The following DCAF10 variants were observed in gnomAD, a reference collection of about 807,000 sequenced individuals.
DCAF10 encodes DDB1- and CUL4-associated factor 10.
A neutral mutation model predicts 51.9 loss-of-function variants in DCAF10; 19 were observed. That is an observed-to-expected ratio of 0.37 (90% CI 0.26 to 0.54). The LOEUF (loss-of-function observed/expected upper bound fraction) is 0.54, where lower values mean the gene tolerates loss of function less well. Among genes scored for constraint, DCAF10 ranks in the 20% least tolerant of loss-of-function variants. The pLI, the probability that DCAF10 is intolerant of heterozygous loss-of-function variation, is 0.87. For synonymous variants in DCAF10, 291 were observed against 297.1 expected, an observed-to-expected ratio of 0.98 and a Z score of 0.21; for missense variants, 510 against 730.6, an observed-to-expected ratio of 0.70 and a Z score of 3.48.
intron 1 of DCAF10, among the ~76,000 whole-genome samples, chr9:37,814,778 C>T (rs1457092775): frequency 6.6e-6 from 1 of 152,094 alleles, no homozygotes; most frequent in African/African-American, 2.4e-5. Flanking sequence ...ACTAGCACTA[C>T]CAAATTTACA....
intron 3 of DCAF10, among the ~76,000 whole-genome samples, chr9:37,842,994 C>A (rs77906049): frequency 0.02 from 2,992 of 152,280 alleles, 100 homozygotes; most frequent in African/African-American, 0.068. Context: ...AGTAAACACA[C>A]CATGATCATT....
intron 1 of DCAF10, among the ~76,000 whole-genome samples, chr9:37,808,595 A>C (rs1829206046): frequency 9.5e-6 from 1 of 105,206 alleles, no homozygotes; most frequent in Non-Finnish European, 1.8e-5. Flanking sequence ...ATATATTTAT[A>C]TAATATAATA....
At chr9:37,821,100 T>TAG (rs1829688085) in intron 2 of DCAF10, among the ~76,000 whole-genome samples, 1 of 149,636 alleles carries the variant, frequency 6.7e-6, no homozygotes, top group African/African-American at 2.4e-5. Flanking sequence ...CATATATATA[T>TAG]ATATACACAC....
At chr9:37,816,246 T>C (rs1039945068) in intron 1 of DCAF10, among the ~76,000 whole-genome samples, 4 of 152,220 alleles carry the variant, frequency 2.6e-5, no homozygotes, top group Non-Finnish European at 5.9e-5. Flanking sequence ...TGGAGATAGA[T>C]TATGTTAATG....
intron 3 of DCAF10, among the ~76,000 whole-genome samples, chr9:37,850,826 TTATATATA>T (rs71494679): frequency 0.027 from 1,201 of 44,814 alleles, 13 homozygotes; most frequent in Non-Finnish European, 0.034. Context: ...AGGATATATT[TTATATATA>T]TATATATATA....
At chr9:37,841,311 G>C (rs1486978106) in intron 2 of DCAF10, among the ~76,000 whole-genome samples, 3 of 152,174 alleles carry the variant, frequency 2.0e-5, no homozygotes, top group African/African-American at 7.2e-5. Context: ...AGAAGCACCA[G>C]AATTCATTTC....
intron 1 of DCAF10, among the ~76,000 whole-genome samples, chr9:37,818,959 CTTTGTA>C (rs1829626843): frequency 6.6e-6 from 1 of 152,082 alleles, no homozygotes; most frequent in African/African-American, 2.4e-5. Flanking sequence ...TTATATGTCT[CTTTGTA>C]TTTGTAAGTA....
At chr9:37,857,406 T>C (rs2118178684) in intron 5 of DCAF10, 55 bp downstream of exon 5, 3 of 1,311,804 alleles carry the variant, frequency 2.3e-6, no homozygotes, top group East Asian at 2.4e-5. Flanking sequence ...GCCAATCTGA[T>C]TAATTATTGA....
At chr9:37,814,355 G>C (rs1182577564) in intron 1 of DCAF10, among the ~76,000 whole-genome samples, 1 of 105,710 alleles carries the variant, frequency 9.5e-6, no homozygotes, top group Non-Finnish European at 1.8e-5. Context: ...TCACCATGTT[G>C]GCCAGCCTGG....
Position 37,801,053 on chromosome 9 carries a change from TC to T in DCAF10, c.191del (p.Pro64ArgfsTer8). On this transcript the variant is annotated frameshift_variant, in exon 1 of 7. Coordinates refer to ENST00000377724, the MANE Select transcript of DCAF10 (RefSeq NM_024345.5). LOFTEE classifies it high-confidence loss of function. The surrounding 1 kb of genome is among the most constrained non-coding windows in gnomAD (Gnocchi z 5.5). ...SPRRPGAPSL[S>X]PAPRSGELGL... is the part of the protein sequence containing the mutation. The stretch of plus-strand genomic sequence containing the variant: ...TCGCCGCCCCGGCGCCCCATCGCTG[TC>T]CCCGGCCCCGCGCTCCGGAGAGCTA... The T allele has an allele frequency of 1.3e-6, 2 of 1,534,900 alleles. No homozygotes were observed. The highest frequency in any genetic ancestry group is 1.9e-5 in the Admixed American group (1 of 52,652).
Position 37,850,829 on chromosome 9 carries a change from TATA to T in DCAF10, c.852-3950_852-3948del, listed in dbSNP as rs1830615841. Among the ~76,000 whole-genome samples, 513 of 67,862 alleles carry T rather than the reference TATA, an allele frequency of 7.6e-3. 11 individuals carry two copies. The highest frequency in any genetic ancestry group is 0.011 in the Non-Finnish European group (405 of 38,484). The allele number at this position is 67,862 out of a possible 152,430, so 44.5% of individuals were successfully genotyped here. On this transcript the variant is annotated intron_variant, in intron 3 of 6. Coordinates refer to ENST00000377724, the MANE Select transcript of DCAF10 (RefSeq NM_024345.5). ...GCTAAGTATGTGAGGATATATTTTA[TATA>T]TATATATATATATATATATATATAT... is the stretch of plus-strand genomic sequence containing the variant.
intron 2 of DCAF10, among the ~76,000 whole-genome samples, chr9:37,840,845 TA>T (rs1421960621): frequency 6.6e-6 from 1 of 152,236 alleles, no homozygotes; most frequent in Admixed American, 6.5e-5. Context: ...CGTAACATTT[TA>T]AATCTTTTAT....
At chr9:37,846,131 C>A (rs2118072811) in intron 3 of DCAF10, among the ~76,000 whole-genome samples, 1 of 151,976 alleles carries the variant, frequency 6.6e-6, no homozygotes, top group Non-Finnish European at 1.5e-5. Flanking sequence ...AGAAATTGAA[C>A]CCTACATTAT....
chr9:37,816,659 G>GGTGTGTGTGTGTGTGTGTGTGTGTGT (rs1554685707), intron 1 of DCAF10, among the ~76,000 whole-genome samples: 6 of 144,890 alleles, frequency 4.1e-5, no homozygotes, highest in Admixed American at 7.0e-5. Flanking sequence ...CTGCACCTGG[G>GGTGTGTGTGTGTGTGTGTGTGTGTGT]GTGTGTGTGT....
intron 1 of DCAF10, among the ~76,000 whole-genome samples, chr9:37,812,892 T>G (rs930808373): frequency 2.0e-5 from 3 of 151,886 alleles, no homozygotes; most frequent in Admixed American, 1.3e-4. Flanking sequence ...AGCATTAAAT[T>G]TATATATAAT....
At chr9:37,827,534 A>G (rs1278115702) in intron 2 of DCAF10, among the ~76,000 whole-genome samples, 1 of 151,956 alleles carries the variant, frequency 6.6e-6, no homozygotes, top group African/African-American at 2.4e-5. Flanking sequence ...AAAATGTAAT[A>G]TATATATATA....
intron 3 of DCAF10, among the ~76,000 whole-genome samples, chr9:37,850,489 G>A (rs1830601483): frequency 6.6e-6 from 1 of 152,032 alleles, no homozygotes; most frequent in African/African-American, 2.4e-5. Context: ...ATACGAATGA[G>A]CCTGGAGGAC....
chr9:37,826,189 C>T (rs1326125405), intron 2 of DCAF10, among the ~76,000 whole-genome samples: 1 of 151,904 alleles, frequency 6.6e-6, no homozygotes, highest in Non-Finnish European at 1.5e-5. Flanking sequence ...ACAAGGGACT[C>T]CTGCAAATAA....
rs75957966 is a variant in DCAF10, at chr9:37,809,124, C to T, written c.539+7719C>T. On this transcript the variant is annotated intron_variant, in intron 1 of 6. Coordinates refer to ENST00000377724, the MANE Select transcript of DCAF10 (RefSeq NM_024345.5). ...AAAAAAAAAAGATAACTAGAAAAGTCTCATTCATTTTCAAAAAGAATTGAT... is the reference window on the plus strand; with the variant it reads ...AAAAAAAAAAGATAACTAGAAAAGTTTCATTCATTTTCAAAAAGAATTGAT... 1.1e-4 allele frequency among the ~76,000 whole-genome samples: 16 copies of T among 150,196 alleles called. No individual in the cohort carries two copies. In the East Asian group the frequency reaches 3.1e-3, roughly 29 times the overall value.
Sources: gnomAD v4.1 joint callset for allele counts (sites outside exome capture counted in the v4.1 genomes callset) on GRCh38, gnomAD v4.1.1 for gene constraint, Gnocchi (gnomAD v3.1) non-coding constraint, MANE v1.5 for transcripts, NCBI Gene and HGNC (gene_info 2026-07-23, HGNC 2026-07-21) for gene names.